FAM227B: variants seen among roughly 807,000 people sequenced by gnomAD.
FAM227B encodes the protein protein FAM227B.
In FAM227B, 88 loss-of-function variants were observed where a neutral mutation model predicts 73.8. The ratio of observed to expected loss-of-function variants is 1.19; its 90% confidence interval spans 1.00 to 1.42. The LOEUF (loss-of-function observed/expected upper bound fraction) is 1.42. FAM227B is among the 40% of genes most tolerant of loss of function. The pLI, the probability that FAM227B is intolerant of heterozygous loss-of-function variation, is 0.00. For missense variants in FAM227B, 632 were observed against 590.9 expected, an observed-to-expected ratio of 1.07 and a Z score of -0.72; for synonymous variants, 210 against 190.5, an observed-to-expected ratio of 1.10 and a Z score of -0.84.
At chr15:49,371,683 AAAT>A (rs1238800173) in intron 11 of FAM227B, among the ~76,000 whole-genome samples, 5 of 151,238 alleles carry the variant, frequency 3.3e-5, no homozygotes, top group African/African-American at 1.2e-4. Context: ...TAAATAAATG[AAAT>A]AAAATTCACT....
chr15:49,379,558 G>A (rs2046386940), intron 11 of FAM227B, among the ~76,000 whole-genome samples: 1 of 152,080 alleles, frequency 6.6e-6, no homozygotes, highest in Non-Finnish European at 1.5e-5. Flanking sequence ...CCAATGTATT[G>A]CCATATATTT....
chr15:49,605,490 G>A (rs922999438), intron 3 of FAM227B, among the ~76,000 whole-genome samples: 2 of 152,176 alleles, frequency 1.3e-5, no homozygotes, highest in African/African-American at 2.4e-5. Context: ...GTCCACAGGG[G>A]CCAACCTGAC....
intron 11 of FAM227B, among the ~76,000 whole-genome samples, chr15:49,383,270 T>C (rs1358377203): frequency 6.6e-6 from 1 of 152,172 alleles, no homozygotes; most frequent in Non-Finnish European, 1.5e-5. Flanking sequence ...ACTTCACAGA[T>C]ATTGCTTTTT....
chr15:49,504,913 TA>T (rs1213546632), intron 11 of FAM227B, among the ~76,000 whole-genome samples: 1 of 152,108 alleles, frequency 6.6e-6, no homozygotes, highest in Admixed American at 6.6e-5. Context: ...CAAAGAGAAA[TA>T]AAATCCTATA....
intron 9 of FAM227B, among the ~76,000 whole-genome samples, chr15:49,548,498 G>A (rs1052489931): frequency 2.6e-5 from 4 of 152,038 alleles, no homozygotes; most frequent in Non-Finnish European, 5.9e-5. Context: ...TTCTTGATGT[G>A]CCTTTGTCTA....
At chr15:49,592,278 C>A (rs1404856560) in intron 3 of FAM227B, among the ~76,000 whole-genome samples, 3 of 152,206 alleles carry the variant, frequency 2.0e-5, no homozygotes, top group Non-Finnish European at 2.9e-5. Context: ...ATTTTCTGCT[C>A]TGGTTTCTCC....
chr15:49,415,017 G>A (rs1235419715), intron 11 of FAM227B, among the ~76,000 whole-genome samples: 1 of 152,040 alleles, frequency 6.6e-6, no homozygotes, highest in Non-Finnish European at 1.5e-5. Context: ...CTATAATTAA[G>A]GTGGTGGACT....
chr15:49,344,161 G>T (rs2041133604), intron 13 of FAM227B: 1 of 152,024 alleles, frequency 6.6e-6, no homozygotes, highest in Admixed American at 6.6e-5. Context: ...TTAAAAATAT[G>T]ATTGTACAAA....
chr15:49,424,590 A>C (rs1347912456), intron 11 of FAM227B: 1 of 1,557,994 alleles, frequency 6.4e-7, no homozygotes, highest in African/African-American at 1.4e-5. Flanking sequence ...TACAGTAAGT[A>C]ATTTTAAGTA....
At chr15:49,452,699 G>A (rs112231178) in intron 11 of FAM227B, among the ~76,000 whole-genome samples, 3,668 of 152,198 alleles carry the variant, frequency 0.024, 115 homozygotes, top group South Asian at 0.15. Flanking sequence ...AAATGAGTCA[G>A]TCTCTCTGAA....
At chr15:49,525,047 ATGAGT>A (rs1424974626) in intron 10 of FAM227B, among the ~76,000 whole-genome samples, 3 of 152,186 alleles carry the variant, frequency 2.0e-5, no homozygotes, top group Admixed American at 6.5e-5. Flanking sequence ...TAATGCTGAA[ATGAGT>A]TAAGACTTTG....
intron 11 of FAM227B, among the ~76,000 whole-genome samples, chr15:49,464,628 T>C (rs992744850): frequency 2.0e-5 from 3 of 152,214 alleles, no homozygotes; most frequent in Admixed American, 6.5e-5. Flanking sequence ...AATAATGATT[T>C]TCTTGCAAAA....
intron 11 of FAM227B, among the ~76,000 whole-genome samples, chr15:49,417,352 G>A (rs970010392): frequency 2.0e-5 from 3 of 151,996 alleles, no homozygotes; most frequent in Admixed American, 1.3e-4. Context: ...ATGCCACTGC[G>A]CTTCAGTCTG....
chr15:49,431,483 C>T (rs2050614315), intron 11 of FAM227B, among the ~76,000 whole-genome samples: 1 of 151,704 alleles, frequency 6.6e-6, no homozygotes, highest in Non-Finnish European at 1.5e-5. Flanking sequence ...TTATCCAGTA[C>T]CCATGCCCAA....
chr15:49,593,943 T>C (rs1450450774), intron 3 of FAM227B, among the ~76,000 whole-genome samples: 1 of 152,190 alleles, frequency 6.6e-6, no homozygotes, highest in Non-Finnish European at 1.5e-5. Context: ...TGGGTACATA[T>C]CTAATAGTGG....
intron 3 of FAM227B, among the ~76,000 whole-genome samples, chr15:49,607,656 G>A (rs903615334): frequency 6.6e-5 from 10 of 152,248 alleles, no homozygotes; most frequent in Admixed American, 2.6e-4. Context: ...GAAATATTAT[G>A]AGCTGAATAA....
intron 12 of FAM227B, among the ~76,000 whole-genome samples, chr15:49,369,641 C>T (rs1156281272): frequency 6.6e-6 from 1 of 152,282 alleles, no homozygotes; most frequent in Non-Finnish European, 1.5e-5. Flanking sequence ...TACCCAGTGT[C>T]ACTTTCAGGG....
In FAM227B at chr15:49,490,498, C is replaced by T. The variant is rs140356082; in HGVS notation, c.1012+17713G>A. On this transcript the variant is annotated intron_variant, in intron 11 of 15. Transcript: ENST00000299338. The stretch of plus-strand genomic sequence containing the variant: ...AGAAGGTGAGTAATTAAAAACTTTG[C>T]TGCTTAATTAGGTGGGCAAAACAAC... Among the ~76,000 whole-genome samples the T allele has an allele frequency of 9.9e-5, 15 of 151,990 alleles. No homozygotes were observed. In the East Asian group the frequency reaches 2.7e-3, roughly 27 times the overall value.
chr15:49,452,287 A>C (rs757114262), intron 11 of FAM227B, among the ~76,000 whole-genome samples: 3 of 152,214 alleles, frequency 2.0e-5, no homozygotes, highest in Non-Finnish European at 4.4e-5. Context: ...TCCTGACCTC[A>C]AGTTATCTGC....
Sources: allele counts gnomAD v4.1 joint callset (sites outside exome capture counted in the v4.1 genomes callset), GRCh38; gene constraint gnomAD v4.1.1; transcripts MANE v1.5; gene names NCBI Gene and HGNC (gene_info 2026-07-23, HGNC 2026-07-21).